Variants in ACOT13 observed in about 807,000 individuals in gnomAD.
The protein encoded by ACOT13 is acyl-coenzyme A thioesterase 13.
A neutral mutation model predicts 11.8 loss-of-function variants in ACOT13; 10 were observed. The observed-to-expected ratio is 0.85, with a 90% CI of 0.53 to 1.44. The LOEUF (loss-of-function observed/expected upper bound fraction) is 1.44. Ranked by LOEUF, ACOT13 falls within the 40% of genes most tolerant of loss-of-function variation. The probability of loss-of-function intolerance (pLI) is 0.00; values close to 1 mark genes in which losing one functional copy is unlikely to be tolerated. For synonymous variants in ACOT13, 53 were observed against 61.0 expected (o/e 0.87, Z 0.61); for missense variants, 172 against 174.1 (o/e 0.99, Z 0.07).
intron 1 of ACOT13, among the ~76,000 whole-genome samples, chr6:24,679,309 G>T (rs1481933515): frequency 6.6e-6 from 1 of 151,982 alleles, no homozygotes; most frequent in South Asian, 2.1e-4. Flanking sequence ...GTTCAATAGG[G>T]TCTAAGTTTT....
chr6:24,687,126 T>G (rs1290263149), intron 1 of ACOT13, among the ~76,000 whole-genome samples: 1 of 152,206 alleles, frequency 6.6e-6, no homozygotes, highest in Non-Finnish European at 1.5e-5. Flanking sequence ...CCTCATTGTT[T>G]TGCAATGATT....
intron 2 of ACOT13, among the ~76,000 whole-genome samples, chr6:24,700,741 C>T (rs1191917290): frequency 6.6e-6 from 1 of 152,052 alleles, no homozygotes; most frequent in African/African-American, 2.4e-5. Flanking sequence ...CGGCCAGATC[C>T]ACCTTTCTTA....
chr6:24,672,520 TC>T (rs1778381183), intron 1 of ACOT13, among the ~76,000 whole-genome samples: 1 of 152,150 alleles, frequency 6.6e-6, no homozygotes, highest in African/African-American at 2.4e-5. Context: ...GCGTCTGTAG[TC>T]CCAGCTACTC....
At chr6:24,680,924 CCA>C (rs774401621) in intron 1 of ACOT13, among the ~76,000 whole-genome samples, 2 of 152,254 alleles carry the variant, frequency 1.3e-5, no homozygotes, top group South Asian at 4.1e-4. Flanking sequence ...AACTCTGCTT[CCA>C]CAGAGTCTCT....
At position 24,674,204 on chromosome 6, in the gene ACOT13, C is replaced by T. The variant is rs181508621; in HGVS notation, c.81+6860C>T. On this transcript the variant is annotated intron_variant, in intron 1 of 2. Coordinates refer to ENST00000230048, the MANE Select transcript of ACOT13 (RefSeq NM_018473.4). Reference sequence around the variant, plus strand: ...AGCCTCTCGAGTCGCTGGGATTACACGTGCACCACAATGCCCAACTAATTT... The same window carrying T: ...AGCCTCTCGAGTCGCTGGGATTACATGTGCACCACAATGCCCAACTAATTT... Among the ~76,000 whole-genome samples the T allele has an allele frequency of 3.8e-3, 579 of 152,062 alleles. 1 individual carries two copies. Among genetic ancestry groups the T allele is most frequent in the South Asian group, 6.2e-3 (30 of 4,818 alleles).
chr6:24,697,828 T>A (rs1211551248), intron 1 of ACOT13, 55 bp from the exon 2 acceptor site: 2 of 1,437,660 alleles, frequency 1.4e-6, no homozygotes. Flanking sequence ...ATGGGCTTTT[T>A]TGGCTTTTCT....
intron 1 of ACOT13, among the ~76,000 whole-genome samples, chr6:24,689,832 T>C (rs1317965511): frequency 6.6e-6 from 1 of 152,198 alleles, no homozygotes; most frequent in African/African-American, 2.4e-5. Flanking sequence ...TCAAGAGTTA[T>C]TCATATTTTA....
At chr6:24,686,794 G>A (rs1368212698) in intron 1 of ACOT13, among the ~76,000 whole-genome samples, 1 of 151,888 alleles carries the variant, frequency 6.6e-6, no homozygotes, top group Non-Finnish European at 1.5e-5. Flanking sequence ...TCAACCTCCT[G>A]GGCTCAAGCA....
chr6:24,694,911 G>GA (rs1370374171), intron 1 of ACOT13, among the ~76,000 whole-genome samples: 1 of 152,164 alleles, frequency 6.6e-6, no homozygotes, highest in Non-Finnish European at 1.5e-5. Flanking sequence ...TTCTGTACTA[G>GA]AAAAATCTAA....
At chr6:24,681,950 G>A (rs1246768821) in intron 1 of ACOT13, among the ~76,000 whole-genome samples, 1 of 152,244 alleles carries the variant, frequency 6.6e-6, no homozygotes, top group Admixed American at 6.5e-5. Context: ...GTTGAGTAGA[G>A]ACTTCTGGCT....
At chr6:24,681,192 T>A (rs34507946) in intron 1 of ACOT13, among the ~76,000 whole-genome samples, 2 of 122,986 alleles carry the variant, frequency 1.6e-5, no homozygotes, top group Non-Finnish European at 3.4e-5. Context: ...GCTTTTTTTT[T>A]AACTTAGAAT....
At position 24,698,033 on chromosome 6, in the gene ACOT13, G is replaced by A. The variant is rs1015992324; in HGVS notation, c.232G>A (p.Gly78Arg). 3 of 1,610,380 alleles carry A rather than the reference G, an allele frequency of 1.9e-6. No homozygotes were observed. The highest frequency in any genetic ancestry group is 2.5e-6 in the Non-Finnish European group (3 of 1,178,700). The change falls in exon 2 of 3, where the codon GGA (glycine) becomes AGA (arginine). Residue 78 changes from glycine to arginine, a missense_variant. Coordinates refer to ENST00000230048, the MANE Select transcript of ACOT13 (RefSeq NM_018473.4). ...AATGGCTCTGCTATGCACGGAAAGGGGAGCACCCGGAGTCAGTGTCGATAT... is the reference window on the plus strand; with the variant it reads ...AATGGCTCTGCTATGCACGGAAAGGAGAGCACCCGGAGTCAGTGTCGATAT... Reference protein sequence around the residue: ...STMALLCTERGAPGVSVDMNI... With the variant: ...STMALLCTERRAPGVSVDMNI...
At chr6:24,692,426 G>A (rs900386129) in intron 1 of ACOT13, among the ~76,000 whole-genome samples, 1 of 152,182 alleles carries the variant, frequency 6.6e-6, no homozygotes. Context: ...TTAAAGTGGT[G>A]TTGTTTTGGG....
chr6:24,681,801 T>G (rs1164708316), intron 1 of ACOT13, among the ~76,000 whole-genome samples: 1 of 152,082 alleles, frequency 6.6e-6, no homozygotes, highest in Non-Finnish European at 1.5e-5. Flanking sequence ...TGTGAACCAT[T>G]AGTACCTAGG....
Position 24,669,605 on chromosome 6 carries a change from C to T in ACOT13, c.81+2261C>T, listed in dbSNP as rs116411180. Among the ~76,000 whole-genome samples the T allele has an allele frequency of 8.6e-3, 1,312 of 152,076 alleles. 26 individuals are homozygous for T. Among genetic ancestry groups the T allele is most frequent in the African/African-American group, 0.03 (1,244 of 41,458 alleles). ...AAAGCATTTTAGAAGAAAAATGAGT[C>T]TTTGGTCCCAGATTTCATCTGATCG... is the stretch of plus-strand genomic sequence containing the variant. On this transcript the variant is annotated intron_variant, in intron 1 of 2. Transcript: ENST00000230048.
chr6:24,669,717 T>C (rs2223588), intron 1 of ACOT13, among the ~76,000 whole-genome samples: 116,573 of 152,032 alleles, frequency 0.77, 45,429 homozygotes, highest in African/African-American at 0.9. Context: ...CTCCCATGTC[T>C]TGTGAAGAGA....
At chr6:24,685,715 C>T (rs74475286) in intron 1 of ACOT13, among the ~76,000 whole-genome samples, 3,628 of 151,924 alleles carry the variant, frequency 0.024, 135 homozygotes, top group African/African-American at 0.079. Context: ...TTTTGCTCCC[C>T]GAGGGACATT....
At chr6:24,681,973 C>T (rs563577905) in intron 1 of ACOT13, among the ~76,000 whole-genome samples, 1 of 152,326 alleles carries the variant, frequency 6.6e-6, no homozygotes, top group African/African-American at 2.4e-5. Flanking sequence ...GCCATGATCT[C>T]AACAGGCTAA....
chr6:24,696,838 T>C (rs747889609), intron 1 of ACOT13, among the ~76,000 whole-genome samples: 18 of 152,146 alleles, frequency 1.2e-4, no homozygotes, highest in Non-Finnish European at 2.5e-4. Flanking sequence ...TGTAATGGCA[T>C]GATCTCAGCT....
Sources: gnomAD v4.1 joint callset for allele counts (sites outside exome capture counted in the v4.1 genomes callset) on GRCh38, gnomAD v4.1.1 for gene constraint, MANE v1.5 for transcripts, NCBI Gene and HGNC (gene_info 2026-07-23, HGNC 2026-07-21) for gene names.